The following ADCY2 variants were observed in gnomAD, a reference collection of about 807,000 sequenced individuals.
The protein encoded by ADCY2 is adenylate cyclase type 2.
Under a neutral mutation model 125.2 loss-of-function variants are expected in ADCY2, and 31 were observed. The observed-to-expected ratio is 0.25, with a 90% CI of 0.19 to 0.33. The LOEUF (loss-of-function observed/expected upper bound fraction) is 0.33, where lower values mean the gene tolerates loss of function less well. ADCY2 is among the 10% of genes least tolerant of loss of function. ADCY2 has a pLI of 1.00. For missense variants in ADCY2, 904 were observed against 1,418.2 expected (o/e 0.64, Z 5.82); for synonymous variants, 512 against 548.4 (o/e 0.93, Z 0.93).
chr5:7,634,216 A>G (rs1330329729), intron 4 of ADCY2, among the ~76,000 whole-genome samples: 1 of 152,238 alleles, frequency 6.6e-6, no homozygotes, highest in Non-Finnish European at 1.5e-5. Flanking sequence ...CCATGAGCAC[A>G]GTTGCAGATA....
intron 3 of ADCY2, among the ~76,000 whole-genome samples, chr5:7,614,355 C>A (rs1310746431): frequency 6.6e-6 from 1 of 152,114 alleles, no homozygotes; most frequent in Non-Finnish European, 1.5e-5. Flanking sequence ...CTTCCTTTCC[C>A]CAAAACCAGC....
At chr5:7,824,264 T>A (rs1745394608) in intron 24 of ADCY2, among the ~76,000 whole-genome samples, 1 of 152,094 alleles carries the variant, frequency 6.6e-6, no homozygotes, top group African/African-American at 2.4e-5. Flanking sequence ...GCAAGCCCAC[T>A]CAGCAACCCT....
chr5:7,597,669 C>T (rs531259938), intron 3 of ADCY2, among the ~76,000 whole-genome samples: 6 of 152,222 alleles, frequency 3.9e-5, no homozygotes, highest in African/African-American at 4.8e-5. Flanking sequence ...CCCAGCTACT[C>T]GGGAGGCTGA....
chr5:7,784,003 G>A (rs1371598990), intron 18 of ADCY2, among the ~76,000 whole-genome samples: 1 of 152,176 alleles, frequency 6.6e-6, no homozygotes, highest in Non-Finnish European at 1.5e-5. Context: ...CTCATTTCAA[G>A]CATACTGTCT....
At chr5:7,778,862 T>C (rs1237948771) in intron 18 of ADCY2, among the ~76,000 whole-genome samples, 1 of 152,220 alleles carries the variant, frequency 6.6e-6, no homozygotes, top group Admixed American at 6.5e-5. Flanking sequence ...CTGCAGACCT[T>C]ACCCTGGGGC....
chr5:7,689,714 C>T (rs892895188), intron 4 of ADCY2, among the ~76,000 whole-genome samples: 3 of 150,874 alleles, frequency 2.0e-5, no homozygotes, highest in African/African-American at 4.9e-5. Flanking sequence ...CATCAGCTTG[C>T]CAAAAAAAGA....
At chr5:7,684,893 G>T (rs1425852076) in intron 4 of ADCY2, among the ~76,000 whole-genome samples, 1 of 151,792 alleles carries the variant, frequency 6.6e-6, no homozygotes, top group Non-Finnish European at 1.5e-5. Flanking sequence ...CTTATAAAAG[G>T]GTCACCTGAT....
intron 1 of ADCY2, among the ~76,000 whole-genome samples, chr5:7,405,056 A>T (rs1739423211): frequency 2.0e-5 from 3 of 152,256 alleles, no homozygotes; most frequent in Admixed American, 2.0e-4. Flanking sequence ...ATTCTGCCAT[A>T]CTGTATTGAT....
At chr5:7,622,905 G>A (rs1042241556) in intron 3 of ADCY2, among the ~76,000 whole-genome samples, 6 of 152,348 alleles carry the variant, frequency 3.9e-5, no homozygotes, top group Middle Eastern at 3.4e-3. Flanking sequence ...GCCCCAGCGT[G>A]GGGGAAGAAA....
chr5:7,735,014 C>CA (rs1560922268), intron 14 of ADCY2, among the ~76,000 whole-genome samples: 1 of 152,172 alleles, frequency 6.6e-6, no homozygotes, highest in Non-Finnish European at 1.5e-5. Context: ...ATGACCCAGT[C>CA]ACCTCCGAAA....
chr5:7,659,584 T>A (rs971882846), intron 4 of ADCY2, among the ~76,000 whole-genome samples: 1 of 152,318 alleles, frequency 6.6e-6, no homozygotes, highest in African/African-American at 2.4e-5. Flanking sequence ...CAGTTAGTCC[T>A]CTTATGTCCA....
At chr5:7,685,024 C>G (rs1022240533) in intron 4 of ADCY2, 2 of 152,280 alleles carry the variant, frequency 1.3e-5, no homozygotes, top group Admixed American at 1.3e-4. Flanking sequence ...TAAAGTCGCT[C>G]CTCAGTAATC....
At chr5:7,505,991 T>C (rs1311259416) in intron 2 of ADCY2, among the ~76,000 whole-genome samples, 1 of 151,114 alleles carries the variant, frequency 6.6e-6, no homozygotes, top group Non-Finnish European at 1.5e-5. Context: ...GACCTTACCT[T>C]TTTTTTTTCC....
chr5:7,501,372 C>G (rs1743564294), intron 2 of ADCY2, among the ~76,000 whole-genome samples: 1 of 152,124 alleles, frequency 6.6e-6, no homozygotes, highest in Non-Finnish European at 1.5e-5. Flanking sequence ...AACCTTGAGG[C>G]ATAAGATGGT....
intron 3 of ADCY2, among the ~76,000 whole-genome samples, chr5:7,557,201 A>ATATATATATATATATAT: frequency 7.1e-6 from 1 of 140,110 alleles, no homozygotes; most frequent in African/African-American, 2.6e-5. Flanking sequence ...TGATATATAT[A>ATATATATATATATATAT]ACTCAAGTGA....
intron 2 of ADCY2, among the ~76,000 whole-genome samples, chr5:7,499,648 G>GGGAT (rs1491562106): frequency 2.5e-5 from 3 of 118,432 alleles, no homozygotes; most frequent in East Asian, 3.0e-4. Context: ...TATGTGGGTG[G>GGGAT]ATATATATAT....
At chr5:7,818,734 G>C (rs1354304764) in intron 23 of ADCY2, among the ~76,000 whole-genome samples, 2 of 152,030 alleles carry the variant, frequency 1.3e-5, no homozygotes, top group African/African-American at 4.8e-5. Flanking sequence ...CTTACACAAA[G>C]ATGAGATGAC....
intron 4 of ADCY2, among the ~76,000 whole-genome samples, chr5:7,629,317 A>G (rs548545975): frequency 1.3e-5 from 2 of 152,104 alleles, no homozygotes; most frequent in East Asian, 1.9e-4. Context: ...CTCTTCACCC[A>G]GGATTGGAGG....
chr5:7,406,075 G>T (rs962129341), intron 1 of ADCY2, among the ~76,000 whole-genome samples: 1 of 151,912 alleles, frequency 6.6e-6, no homozygotes, highest in South Asian at 2.1e-4. Context: ...GCCCAGGCTG[G>T]TCTCAAACTC....
Sources: allele counts gnomAD v4.1 joint callset (sites outside exome capture counted in the v4.1 genomes callset), GRCh38; gene constraint gnomAD v4.1.1; transcripts MANE v1.5; gene names NCBI Gene and HGNC (gene_info 2026-07-23, HGNC 2026-07-21).